Variants in ASAH2 observed in about 807,000 individuals in gnomAD.
ASAH2 encodes the protein neutral ceramidase.
ASAH2 carries 58 observed loss-of-function variants against 82.9 expected under a neutral mutation model. That is an observed-to-expected ratio of 0.70 (90% CI 0.57 to 0.87). The LOEUF (loss-of-function observed/expected upper bound fraction) is 0.87. Among genes scored for constraint, ASAH2 ranks in the 40% least tolerant of loss-of-function variants. The probability of loss-of-function intolerance (pLI) is 0.00; values close to 1 mark genes in which losing one functional copy is unlikely to be tolerated. For missense variants in ASAH2, 779 were observed against 834.0 expected (o/e 0.93, Z 0.81); for synonymous variants, 276 against 289.7 (o/e 0.95, Z 0.48).
intron 7 of ASAH2, among the ~76,000 whole-genome samples, chr10:50,226,569 C>T (rs1481570981): frequency 6.6e-6 from 1 of 151,928 alleles, no homozygotes; most frequent in East Asian, 1.9e-4. Flanking sequence ...AATGTAGGTT[C>T]ATCAGTTATA....
chr10:50,243,222 A>T lies in ASAH2; in HGVS notation c.490T>A (p.Ser164Thr). 1 of 1,614,076 alleles carries T rather than the reference A, an allele frequency of 6.2e-7. No individual in the cohort carries two copies. Among genetic ancestry groups the T allele is most frequent in the Non-Finnish European group, 8.5e-7 (1 of 1,179,950 alleles). Residue 164 changes from serine (S) to threonine (T), a missense_variant, in exon 4 of 21, where the codon TCA becomes ACA. Ser to Thr is a moderately conservative substitution (Grantham distance 58, BLOSUM62 1). Transcript: ENST00000682911. ...VFVSIDIGMV[S>T]QRLRLEVLNR... ...CTTACCTCCAGCCTGAGCCTTTGTG[A>T]TACCATGCCTATGTCGATGCTGACA... is the stretch of plus-strand genomic sequence containing the variant.
chr10:50,234,204 T>C (rs1846088352), intron 6 of ASAH2, among the ~76,000 whole-genome samples: 1 of 152,056 alleles, frequency 6.6e-6, no homozygotes, highest in African/African-American at 2.4e-5. Flanking sequence ...CTCGCTCCCA[T>C]AATCAACAAA....
chr10:50,244,581 C>T lies in ASAH2; in HGVS notation c.360+641G>A, dbSNP rs1399411539. ...GAAGCACTGACATAAATGGGTATTT[C>T]CATCACATAGCCAAGACTAGCAGTC... On this transcript the variant is annotated intron_variant, in intron 3 of 20. Coordinates refer to ENST00000682911, the MANE Select transcript of ASAH2 (RefSeq NM_019893.4). 2.0e-5 allele frequency among the ~76,000 whole-genome samples: 3 copies of T among 152,320 alleles called. No individual in the cohort carries two copies. In the East Asian group the frequency reaches 5.8e-4, roughly 29 times the overall value.
intron 4 of ASAH2, among the ~76,000 whole-genome samples, chr10:50,240,130 C>T (rs1287103800): frequency 6.6e-6 from 1 of 152,088 alleles, no homozygotes. Context: ...ACCCGGCTGA[C>T]TCACATTTAA....
chr10:50,238,137 A>G (rs920064924), intron 4 of ASAH2, among the ~76,000 whole-genome samples: 2 of 152,142 alleles, frequency 1.3e-5, no homozygotes, highest in African/African-American at 4.8e-5. Flanking sequence ...ATTTCAAGCT[A>G]CCAAAAGCTT....
At chr10:50,242,397 G>A (rs1382815731) in intron 4 of ASAH2, among the ~76,000 whole-genome samples, 3 of 152,214 alleles carry the variant, frequency 2.0e-5, no homozygotes, top group African/African-American at 4.8e-5. Context: ...GGTTAGACTA[G>A]TAGAACCTGA....
chr10:50,227,128 T>G (rs1845906559), intron 7 of ASAH2, among the ~76,000 whole-genome samples: 2 of 152,106 alleles, frequency 1.3e-5, no homozygotes, highest in South Asian at 4.1e-4. Flanking sequence ...AAACAATGAT[T>G]GTCAGAGTAC....
At chr10:50,203,743 A>T in intron 14 of ASAH2, 64 bp from the exon 15 acceptor site, 6 of 1,483,690 alleles carry the variant, frequency 4.0e-6, no homozygotes, top group Non-Finnish European at 5.6e-6. Flanking sequence ...ACACAGAAAC[A>T]CTGGCAGTGA....
At chr10:50,223,508 C>A (rs1042068168) in intron 7 of ASAH2, among the ~76,000 whole-genome samples, 2 of 152,120 alleles carry the variant, frequency 1.3e-5, no homozygotes, top group African/African-American at 2.4e-5. Context: ...CCTCCCCGAC[C>A]TAAACGCCCA....
intron 18 of ASAH2, among the ~76,000 whole-genome samples, chr10:50,194,789 G>A (rs2813333): frequency 4.0e-5 from 6 of 151,634 alleles, no homozygotes; most frequent in Non-Finnish European, 7.4e-5. Flanking sequence ...TTTTGACAAA[G>A]GTGCCAAGAA....
chr10:50,243,357 G>A lies in ASAH2; in HGVS notation c.361-6C>T, dbSNP rs1846358852. On this transcript the variant is annotated splice_polypyrimidine_tract_variant and splice_region_variant and intron_variant, in intron 3 of 20. Coordinates refer to ENST00000682911, the MANE Select transcript of ASAH2 (RefSeq NM_019893.4). ...CCGGATTTGCCATAGCCCATCTAAA[G>A]AGGAAGAGACAATCAGAGCTGCTCT... 2 of 1,613,798 alleles carry A rather than the reference G, an allele frequency of 1.2e-6. No individual in the cohort carries two copies. Among genetic ancestry groups the A allele is most frequent in the African/African-American group, 1.3e-5 (1 of 74,918 alleles).
chr10:50,205,976 C>T lies in ASAH2; in HGVS notation c.1530+6G>A. The T allele has an allele frequency of 6.3e-7, 1 of 1,597,246 alleles. No individual in the cohort carries two copies. Among genetic ancestry groups the T allele is most frequent in the Non-Finnish European group, 8.6e-7 (1 of 1,165,122 alleles). On this transcript the variant is annotated splice_donor_region_variant and intron_variant, in intron 13 of 20. Transcript: ENST00000682911. ...TAATTTCACTATGATAACGAAAATG[C>T]ATTACTTCTCCGGTGTGAAGAAGGA...
At chr10:50,222,479 T>C (rs1845775513) in intron 7 of ASAH2, among the ~76,000 whole-genome samples, 1 of 152,062 alleles carries the variant, frequency 6.6e-6, no homozygotes, top group Non-Finnish European at 1.5e-5. Context: ...GGGGTCTCAC[T>C]ATGTTGCCCA....
intron 7 of ASAH2, among the ~76,000 whole-genome samples, chr10:50,231,073 A>G (rs1846010273): frequency 1.3e-5 from 2 of 151,836 alleles, no homozygotes; most frequent in South Asian, 4.2e-4. Context: ...TTCAAAAACT[A>G]CTAAAAGGGA....
chr10:50,206,085 C>T lies in ASAH2; in HGVS notation c.1427G>A (p.Gly476Glu), dbSNP rs1845287300. The change falls in exon 13 of 21, where the codon GGG (glycine) becomes GAG (glutamate). Residue 476 changes from glycine to glutamate, a missense_variant. Coordinates refer to ENST00000682911, the MANE Select transcript of ASAH2 (RefSeq NM_019893.4). Reference protein sequence around the residue: ...GLNFTQGKTEGDPFWDTIRDQ... With the variant: ...GLNFTQGKTEEDPFWDTIRDQ... Reference sequence around the variant, plus strand: ...CCGAATGGTGTCCCAAAATGGATCCCCTTCTGTTTTCCCTATTAGAAATGT... The same window carrying T: ...CCGAATGGTGTCCCAAAATGGATCCTCTTCTGTTTTCCCTATTAGAAATGT... 57 of 1,611,320 alleles carry T rather than the reference C, an allele frequency of 3.5e-5. No homozygotes were observed. In the South Asian group the frequency reaches 5.8e-4, roughly 16 times the overall value.
chr10:50,188,491 A>AT (rs1844811408), intron 20 of ASAH2, among the ~76,000 whole-genome samples: 1 of 145,412 alleles, frequency 6.9e-6, no homozygotes, highest in Non-Finnish European at 1.5e-5. Context: ...CTCAACAAAT[A>AT]TTTGATTATT....
At chr10:50,194,966 T>G (rs1343067792) in intron 18 of ASAH2, among the ~76,000 whole-genome samples, 1 of 150,832 alleles carries the variant, frequency 6.6e-6, no homozygotes, top group African/African-American at 2.4e-5. Flanking sequence ...AAAAGCTCCA[T>G]GATGTTGGTG....
intron 4 of ASAH2, among the ~76,000 whole-genome samples, chr10:50,241,009 C>G (rs1002335240): frequency 3.3e-5 from 5 of 152,226 alleles, no homozygotes; most frequent in Non-Finnish European, 7.3e-5. Context: ...TGCACTGTAG[C>G]TTCCTCCTTG....
At chr10:50,221,756 G>A (rs1168881083) in intron 7 of ASAH2, among the ~76,000 whole-genome samples, 1 of 151,682 alleles carries the variant, frequency 6.6e-6, no homozygotes, top group African/African-American at 2.4e-5. Context: ...AGAGATATAT[G>A]CTCTTATCCA....
Sources: allele counts gnomAD v4.1 joint callset (sites outside exome capture counted in the v4.1 genomes callset), GRCh38; gene constraint gnomAD v4.1.1; transcripts MANE v1.5; gene names NCBI Gene and HGNC (gene_info 2026-07-23, HGNC 2026-07-21).